Variants in VPS13B observed in about 807,000 individuals in gnomAD.
The protein encoded by VPS13B is intermembrane lipid transfer protein VPS13B.
Under a neutral mutation model 426.4 loss-of-function variants are expected in VPS13B, and 285 were observed. The ratio of observed to expected loss-of-function variants is 0.67; its 90% CI spans 0.61 to 0.74. The LOEUF (loss-of-function observed/expected upper bound fraction) is 0.74, where lower values mean the gene tolerates loss of function less well. VPS13B is among the 30% of genes least tolerant of loss of function. The pLI is 0.00. For missense variants in VPS13B, 4,537 were observed against 4,782.6 expected, an observed-to-expected ratio of 0.95 and a Z score of 1.51; for synonymous variants, 1,676 against 1,676.4, an observed-to-expected ratio of 1.00 and a Z score of 0.01.
At chr8:99,478,547 A>C (rs1271291687) in intron 24 of VPS13B, among the ~76,000 whole-genome samples, 1 of 144,330 alleles carries the variant, frequency 6.9e-6, no homozygotes, top group Non-Finnish European at 1.5e-5. Context: ...TCCTGGGTTC[A>C]AGCAATTCTC....
intron 30 of VPS13B, among the ~76,000 whole-genome samples, chr8:99,527,644 G>C (rs1012342110): frequency 2.6e-5 from 4 of 151,994 alleles, no homozygotes; most frequent in Admixed American, 2.6e-4. Context: ...AAATTTTTCA[G>C]GTCCTTGTCT....
intron 36 of VPS13B, among the ~76,000 whole-genome samples, chr8:99,716,592 A>G (rs1832931846): frequency 6.6e-6 from 1 of 152,224 alleles, no homozygotes; most frequent in Non-Finnish European, 1.5e-5. Flanking sequence ...ACTATAGCAT[A>G]TAGTTTTTCT....
At chr8:99,390,730 T>C (rs1184490872) in intron 20 of VPS13B, among the ~76,000 whole-genome samples, 1 of 152,224 alleles carries the variant, frequency 6.6e-6, no homozygotes, top group African/African-American at 2.4e-5. Context: ...CTTCTCAAAC[T>C]GTGGCTAAAA....
intron 2 of VPS13B, among the ~76,000 whole-genome samples, chr8:99,029,022 G>T (rs533126112): frequency 6.6e-6 from 1 of 151,378 alleles, no homozygotes; most frequent in African/African-American, 2.4e-5. Context: ...CTTCTCAGAC[G>T]GGGTGGTTGC....
intron 19 of VPS13B, among the ~76,000 whole-genome samples, chr8:99,311,750 G>T (rs983757005): frequency 6.6e-6 from 1 of 152,132 alleles, no homozygotes; most frequent in Non-Finnish European, 1.5e-5. Flanking sequence ...TCATTGATCT[G>T]TCTAATGTTG....
At chr8:99,280,756 C>T (rs765358780) in intron 19 of VPS13B, among the ~76,000 whole-genome samples, 1 of 152,100 alleles carries the variant, frequency 6.6e-6, no homozygotes, top group African/African-American at 2.4e-5. Context: ...CTGGACTATA[C>T]CTCCCATTTC....
At chr8:99,183,557 T>C (rs1563588476) in intron 16 of VPS13B, among the ~76,000 whole-genome samples, 1 of 152,176 alleles carries the variant, frequency 6.6e-6, no homozygotes, top group Non-Finnish European at 1.5e-5. Flanking sequence ...TGTATTATTG[T>C]GTAGCATCGA....
At chr8:99,020,588 T>G (rs910241350) in intron 2 of VPS13B, among the ~76,000 whole-genome samples, 2 of 152,340 alleles carry the variant, frequency 1.3e-5, no homozygotes, top group Admixed American at 1.3e-4. Context: ...TTTTCTCCTA[T>G]GTTTTCTTCT....
At chr8:99,358,759 T>G (rs889174245) in intron 19 of VPS13B, among the ~76,000 whole-genome samples, 1 of 152,148 alleles carries the variant, frequency 6.6e-6, no homozygotes, top group African/African-American at 2.4e-5. Flanking sequence ...TACCCTGCCT[T>G]TTACCTTTAG....
At chr8:99,624,331 G>T (rs1237677496) in intron 33 of VPS13B, among the ~76,000 whole-genome samples, 2 of 152,088 alleles carry the variant, frequency 1.3e-5, no homozygotes, top group African/African-American at 2.4e-5. Flanking sequence ...GCACTGGATT[G>T]TTTAGTTTGT....
At chr8:99,601,935 A>G (rs1827319705) in intron 33 of VPS13B, among the ~76,000 whole-genome samples, 1 of 152,120 alleles carries the variant, frequency 6.6e-6, no homozygotes, top group African/African-American at 2.4e-5. Flanking sequence ...AATTTCTTCT[A>G]TTCTGTAGGT....
At chr8:99,724,137 A>G (rs908124046) in intron 39 of VPS13B, among the ~76,000 whole-genome samples, 8 of 152,198 alleles carry the variant, frequency 5.3e-5, no homozygotes, top group Non-Finnish European at 7.3e-5. Context: ...AGGACAGAAC[A>G]TATGTAACAT....
At chr8:99,603,347 T>C (rs1367325758) in intron 33 of VPS13B, among the ~76,000 whole-genome samples, 5 of 152,230 alleles carry the variant, frequency 3.3e-5, no homozygotes, top group Non-Finnish European at 7.3e-5. Context: ...GTTTATCCTA[T>C]GTTTTTCCTG....
chr8:99,680,864 T>G (rs1481808451), intron 35 of VPS13B, among the ~76,000 whole-genome samples: 2 of 152,204 alleles, frequency 1.3e-5, no homozygotes, highest in African/African-American at 2.4e-5. Context: ...GCTCCCCCTG[T>G]GTCTCTGTTG....
At chr8:99,742,830 A>C (rs1434837500) in intron 39 of VPS13B, among the ~76,000 whole-genome samples, 1 of 152,222 alleles carries the variant, frequency 6.6e-6, no homozygotes, top group Non-Finnish European at 1.5e-5. Flanking sequence ...GTATCTCAAA[A>C]TAATAAGAGC....
chr8:99,694,843 A>G, intron 35 of VPS13B, among the ~76,000 whole-genome samples: 1 of 152,148 alleles, frequency 6.6e-6, no homozygotes, highest in Admixed American at 6.5e-5. Flanking sequence ...ATTCAAACAA[A>G]TTTACAAGAA....
At chr8:99,748,227 C>T (rs773275424) in intron 39 of VPS13B, among the ~76,000 whole-genome samples, 3 of 151,966 alleles carry the variant, frequency 2.0e-5, no homozygotes, top group East Asian at 3.9e-4. Flanking sequence ...TGATGATCCA[C>T]GTAACAGGAC....
At chr8:99,640,025 T>TAATAATAATAATAAG (rs1374252143) in intron 33 of VPS13B, among the ~76,000 whole-genome samples, 1 of 104,332 alleles carries the variant, frequency 9.6e-6, no homozygotes. Flanking sequence ...ATAATAATAA[T>TAATAATAATAATAAG]AAGAAGAAGA....
At position 99,488,357 on chromosome 8, in the gene VPS13B, A is replaced by G. The variant is rs553153878; in HGVS notation, c.3870+6555A>G. Among the ~76,000 whole-genome samples the G allele has an allele frequency of 1.3e-4, 20 of 152,308 alleles. No individual in the cohort carries two copies. In the East Asian group the frequency reaches 3.7e-3, roughly 28 times the overall value. On this transcript the variant is annotated intron_variant, in intron 25 of 61. Transcript: ENST00000357162. ...TCTATAGTAACCCTTCAAACAAAAA[A>G]AGAATGTTAGTAATTGCTTTTCTCT... is the stretch of plus-strand genomic sequence containing the variant.
Sources: gnomAD v4.1 joint callset for allele counts (sites outside exome capture counted in the v4.1 genomes callset) on GRCh38, gnomAD v4.1.1 for gene constraint, MANE v1.5 for transcripts, NCBI Gene and HGNC (gene_info 2026-07-23, HGNC 2026-07-21) for gene names.